PRMT7: variants seen among roughly 807,000 people sequenced by gnomAD.
PRMT7 encodes the protein protein arginine N-methyltransferase 7.
In PRMT7, 75 loss-of-function variants were observed where a neutral mutation model predicts 85.4. The ratio of observed to expected loss-of-function variants is 0.88; its 90% CI spans 0.73 to 1.06. The LOEUF is 1.06. Among genes scored for constraint, PRMT7 ranks in the 50% least tolerant of loss-of-function variants. PRMT7 has a pLI of 0.00. For missense variants in PRMT7, 868 were observed against 915.2 expected (o/e 0.95, Z 0.67); for synonymous variants, 397 against 359.5 (o/e 1.10, Z -1.18).
intron 6 of PRMT7, among the ~76,000 whole-genome samples, chr16:68,336,753 CAG>C (rs2084749857): frequency 6.6e-6 from 1 of 152,068 alleles, no homozygotes; most frequent in African/African-American, 2.4e-5. Flanking sequence ...TTGTTTGAGA[CAG>C]AGTCTCACTC....
At chr16:68,353,690 T>A in intron 16 of PRMT7, 124 bp downstream of exon 16, 1 of 841,640 alleles carries the variant, frequency 1.2e-6, no homozygotes, top group Non-Finnish European at 1.8e-6. Flanking sequence ...GTGCTGCCAT[T>A]TTGTGTGGTT....
intron 13 of PRMT7, 32 bp downstream of exon 13, chr16:68,347,710 A>G (rs746193877): frequency 6.2e-7 from 1 of 1,606,770 alleles, no homozygotes; most frequent in Non-Finnish European, 8.5e-7. Context: ...TGAAATAGTG[A>G]GAGGACCTGT....
intron 16 of PRMT7, among the ~76,000 whole-genome samples, 159 bp downstream of exon 16, chr16:68,353,725 G>A (rs1005711513): frequency 1.3e-5 from 2 of 152,210 alleles, no homozygotes; most frequent in African/African-American, 4.8e-5. Context: ...CTTGGTACCA[G>A]CCCTGTTCTT....
chr16:68,312,818 T>C (rs763970208), intron 2 of PRMT7, among the ~76,000 whole-genome samples: 1 of 152,108 alleles, frequency 6.6e-6, no homozygotes, highest in Non-Finnish European at 1.5e-5. Context: ...ACACAAGACA[T>C]AGTTCCAGGT....
intron 5 of PRMT7, among the ~76,000 whole-genome samples, chr16:68,325,805 C>T (rs936115031): frequency 6.6e-6 from 1 of 151,978 alleles, no homozygotes; most frequent in Non-Finnish European, 1.5e-5. Flanking sequence ...CAAAACAAAA[C>T]AAAAAAACCT....
At chr16:68,337,981 G>A (rs1488966360) in intron 7 of PRMT7, among the ~76,000 whole-genome samples, 1 of 152,126 alleles carries the variant, frequency 6.6e-6, no homozygotes, top group Non-Finnish European at 1.5e-5. Context: ...CTGTGTGGGA[G>A]GCAGGAGAGA....
chr16:68,321,893 T>C (rs1270645418), intron 4 of PRMT7, among the ~76,000 whole-genome samples: 2 of 152,140 alleles, frequency 1.3e-5, no homozygotes, highest in Non-Finnish European at 2.9e-5. Context: ...CCTATCTGAC[T>C]GAAACATCAG....
intron 4 of PRMT7, chr16:68,322,490 G>A (rs558794253): frequency 3.6e-5 from 15 of 418,362 alleles, no homozygotes; most frequent in Non-Finnish European, 5.3e-5. Context: ...GAGCTACTGC[G>A]CCCGGCCATC....
At chr16:68,352,543 C>T (rs1002135722) in intron 15 of PRMT7, 134 bp downstream of exon 15, 5 of 836,808 alleles carry the variant, frequency 6.0e-6, no homozygotes, top group Non-Finnish European at 1.7e-6. Context: ...CTTTCTGTGT[C>T]AGCACACTGT....
chr16:68,331,054 A>G (rs2083811240), intron 6 of PRMT7, among the ~76,000 whole-genome samples: 1 of 152,220 alleles, frequency 6.6e-6, no homozygotes, highest in Admixed American at 6.5e-5. Flanking sequence ...TAATGAAGAT[A>G]ATAGAACATC....
In PRMT7 at chr16:68,324,602, G is replaced by C. The variant is rs1025212181; in HGVS notation, c.133-81G>C. On this transcript the variant is annotated intron_variant, in intron 4 of 18. Transcript: ENST00000441236. The stretch of plus-strand genomic sequence containing the variant: ...GCCCTGACTTGCACTGCCACTGCCA[G>C]CTGTGACTCTAGAACTTTGCAAAGC... 2.7e-5 allele frequency: 42 copies of C among 1,547,248 alleles called. No homozygotes were observed. The Admixed American group carries it at 7.3e-4, about 27-fold the overall frequency.
chr16:68,348,173 T>C (rs1032844609), intron 13 of PRMT7, among the ~76,000 whole-genome samples, 169 bp from the exon 14 acceptor site: 1 of 152,168 alleles, frequency 6.6e-6, no homozygotes, highest in Non-Finnish European at 1.5e-5. Context: ...CCGTGGTCTA[T>C]AGGATGCCCC....
At chr16:68,343,835 G>A (rs1290575389) in intron 9 of PRMT7, among the ~76,000 whole-genome samples, 1 of 152,132 alleles carries the variant, frequency 6.6e-6, no homozygotes, top group African/African-American at 2.4e-5. Context: ...CTGCCTTTTT[G>A]TTAAATTAAA....
chr16:68,325,833 C>T (rs58231461), intron 5 of PRMT7, among the ~76,000 whole-genome samples: 3,467 of 152,190 alleles, frequency 0.023, 154 homozygotes, highest in African/African-American at 0.078. Context: ...AGTCCCCAGC[C>T]CTAACAGATT....
intron 14 of PRMT7, among the ~76,000 whole-genome samples, chr16:68,351,054 C>T (rs535091188): frequency 2.0e-5 from 3 of 152,198 alleles, no homozygotes; most frequent in Non-Finnish European, 4.4e-5. Flanking sequence ...TTTTTTCTCC[C>T]TCATAGATGA....
chr16:68,357,461 C>A lies in PRMT7; in HGVS notation c.*237C>A, dbSNP rs1048429527. The A allele has an allele frequency of 2.0e-6, 1 of 501,574 alleles. No homozygotes were observed. Among genetic ancestry groups the A allele is most frequent in the South Asian group, 3.0e-5 (1 of 33,130 alleles). The allele number at this position is 501,574 out of a possible 1,614,324, so 31.1% of individuals were successfully genotyped here. A position where few individuals can be genotyped will look rare whatever the true frequency, so the allele number is the denominator to read the frequency against. On this transcript the variant is annotated 3_prime_UTR_variant, in exon 19 of 19. Transcript: ENST00000441236. ...GGAGCCCTGGAGGGGCTGGGAAGAC[C>A]CCCCTGCTTGTGCTTCTGAGGTGCT... is the stretch of plus-strand genomic sequence containing the variant.
intron 9 of PRMT7, among the ~76,000 whole-genome samples, chr16:68,342,767 G>A (rs148923878): frequency 8.5e-5 from 13 of 152,304 alleles, no homozygotes; most frequent in African/African-American, 2.6e-4. Flanking sequence ...GCCTGGCCCC[G>A]GGTGTGTGTG....
intron 6 of PRMT7, 115 bp from the exon 7 acceptor site, chr16:68,337,344 T>G: frequency 1.5e-6 from 1 of 649,400 alleles, no homozygotes; most frequent in Non-Finnish European, 2.7e-6. Context: ...TACCTCAGCA[T>G]GTATATGTGC....
intron 5 of PRMT7, chr16:68,328,627 A>G (rs563066519): frequency 1.3e-4 from 23 of 181,850 alleles, no homozygotes; most frequent in African/African-American, 4.0e-4. Context: ...CTGCTGCACC[A>G]TAAGAAAATA....
Sources: allele counts gnomAD v4.1 joint callset (sites outside exome capture counted in the v4.1 genomes callset), GRCh38; gene constraint gnomAD v4.1.1; transcripts MANE v1.5; gene names NCBI Gene and HGNC (gene_info 2026-07-23, HGNC 2026-07-21).